The following CCDC88C variants were observed in gnomAD, a reference collection of about 807,000 sequenced individuals.
CCDC88C encodes the protein protein Daple.
In CCDC88C, 131 loss-of-function variants were observed where a neutral mutation model predicts 198.8. The observed-to-expected ratio is 0.66, with a 90% CI of 0.57 to 0.76. CCDC88C has a LOEUF of 0.76. CCDC88C is among the 30% of genes least tolerant of loss of function. The pLI is 0.00. For synonymous variants in CCDC88C, 1,166 were observed against 1,114.7 expected (o/e 1.05, Z -0.92); for missense variants, 2,553 against 2,631.6 (o/e 0.97, Z 0.65).
At position 91,313,167 on chromosome 14, in the gene CCDC88C, G is replaced by T; in HGVS notation, c.2649C>A (p.Ala883=). The T allele has an allele frequency of 6.2e-7, 1 of 1,611,660 alleles. No homozygotes were observed. Residue 883 remains alanine, a synonymous_variant, in exon 15 of 30, where the codon GCC becomes GCA. Transcript: ENST00000389857. The surrounding 1 kb of genome is among the most constrained non-coding windows in gnomAD (Gnocchi z 5.2). ...CCTTCTCCAGCTCCTTCAGCTTGCC[G>T]GCTGCGTCCCTGCAGCGGGCCAGCT... The part of the protein sequence containing the change: ...DKELARCRDA[A]GKLKELEKDN...
chr14:91,343,760 T>G, intron 4 of CCDC88C, 103 bp from the exon 5 acceptor site: 1 of 1,354,320 alleles, frequency 7.4e-7, no homozygotes, highest in Non-Finnish European at 1.0e-6. Flanking sequence ...ATCATCTCTC[T>G]ACTCTGTGAC....
At chr14:91,410,338 T>G (rs140442335) in intron 2 of CCDC88C, among the ~76,000 whole-genome samples, 1 of 152,228 alleles carries the variant, frequency 6.6e-6, no homozygotes, top group Non-Finnish European at 1.5e-5. Flanking sequence ...CCAGACCCCG[T>G]GATGAAGGTG....
At chr14:91,348,520 C>T (rs1248776655) in intron 4 of CCDC88C, among the ~76,000 whole-genome samples, 1 of 151,932 alleles carries the variant, frequency 6.6e-6, no homozygotes, top group Non-Finnish European at 1.5e-5. Context: ...AAACAAACAA[C>T]ACTCCGAGGC....
rs1202068039 is a variant in CCDC88C, at chr14:91,381,666, C to T, written c.271-21955G>A. 6.6e-6 allele frequency among the ~76,000 whole-genome samples: 1 copy of T among 152,154 alleles called. No homozygotes were observed. The highest frequency in any genetic ancestry group is 1.5e-5 in the Non-Finnish European group (1 of 68,040). On this transcript the variant is annotated intron_variant, in intron 3 of 29. Transcript: ENST00000389857. This position sits in a 1 kb window ranked among gnomAD's most constrained non-coding sequence, Gnocchi z 4.2. ...TGGCCAACTTGGTGAAACCCCGTCTCTACTAAAAATACAAACAATTATCTG... is the reference window on the plus strand; with the variant it reads ...TGGCCAACTTGGTGAAACCCCGTCTTTACTAAAAATACAAACAATTATCTG...
chr14:91,288,247 G>A lies in CCDC88C; in HGVS notation c.4441+858C>T, dbSNP rs1450300545. On this transcript the variant is annotated intron_variant, in intron 25 of 29. Coordinates refer to ENST00000389857, the MANE Select transcript of CCDC88C (RefSeq NM_001080414.4). The surrounding 1 kb of genome is among the most constrained non-coding windows in gnomAD (Gnocchi z 4.2). ...GTTGATGAAATACAGCATACATGAT[G>A]AGAAATCCTGTTCTTGTTTCAGAAC... 6.6e-6 allele frequency among the ~76,000 whole-genome samples: 1 copy of A among 152,212 alleles called. No homozygotes were observed. Among genetic ancestry groups the A allele is most frequent in the Admixed American group, 6.5e-5 (1 of 15,278 alleles).
chr14:91,398,006 G>A (rs1295236404), intron 3 of CCDC88C, among the ~76,000 whole-genome samples: 3 of 152,178 alleles, frequency 2.0e-5, no homozygotes, highest in Non-Finnish European at 4.4e-5. Flanking sequence ...CTAATCTATC[G>A]AATGGAGACA....
At chr14:91,404,965 A>C (rs1291396736) in intron 3 of CCDC88C, among the ~76,000 whole-genome samples, 1 of 109,506 alleles carries the variant, frequency 9.1e-6, no homozygotes, top group Non-Finnish European at 2.1e-5. Flanking sequence ...ACTCCATCTC[A>C]AAAAAAAAAA....
At chr14:91,345,397 T>C (rs1229726687) in intron 4 of CCDC88C, among the ~76,000 whole-genome samples, 1 of 150,970 alleles carries the variant, frequency 6.6e-6, no homozygotes, top group Non-Finnish European at 1.5e-5. Flanking sequence ...TTCACCATGT[T>C]GGCCTGGCTG....
chr14:91,406,799 C>T (rs761821541), intron 3 of CCDC88C, among the ~76,000 whole-genome samples: 3 of 152,210 alleles, frequency 2.0e-5, no homozygotes, highest in South Asian at 2.1e-4. Flanking sequence ...ATGGCTGTCG[C>T]GAGGGAGACG....
At chr14:91,334,522 A>ATAGG (rs1265034862) in intron 10 of CCDC88C, among the ~76,000 whole-genome samples, 28 of 152,214 alleles carry the variant, frequency 1.8e-4, no homozygotes, top group African/African-American at 6.8e-4. Context: ...TGTTGAGATT[A>ATAGG]TAGGCATGGG....
At chr14:91,398,649 C>T (rs777341382) in intron 3 of CCDC88C, among the ~76,000 whole-genome samples, 1 of 151,882 alleles carries the variant, frequency 6.6e-6, no homozygotes, top group Non-Finnish European at 1.5e-5. Context: ...AGAGTGAGAC[C>T]CTGTCTCAAA....
chr14:91,318,703 C>T (rs1295887110), intron 13 of CCDC88C, among the ~76,000 whole-genome samples: 1 of 151,918 alleles, frequency 6.6e-6, no homozygotes, highest in Non-Finnish European at 1.5e-5. Context: ...GTGGGCAGAT[C>T]ACCTGAAGTC....
chr14:91,365,315 C>T (rs978171509), intron 3 of CCDC88C, among the ~76,000 whole-genome samples: 12 of 152,152 alleles, frequency 7.9e-5, no homozygotes, highest in African/African-American at 2.4e-4. Context: ...GGGACCAGGA[C>T]GGGAAGGGAC....
intron 24 of CCDC88C, among the ~76,000 whole-genome samples, chr14:91,290,441 C>T (rs1890611139): frequency 6.6e-6 from 1 of 152,218 alleles, no homozygotes; most frequent in Admixed American, 6.5e-5. Flanking sequence ...TCCTGGGGCT[C>T]AGGCCGTGGA....
At chr14:91,314,290 G>A in intron 14 of CCDC88C, 140 bp from the exon 15 acceptor site, 1 of 666,698 alleles carries the variant, frequency 1.5e-6, no homozygotes, top group African/African-American at 1.8e-5. Context: ...GCGTTCCCCA[G>A]AGGCTTGACA....
At position 91,272,341 on chromosome 14, in the gene CCDC88C, T is replaced by C; in HGVS notation, c.*284A>G. On this transcript the variant is annotated 3_prime_UTR_variant, in exon 30 of 30. Coordinates refer to ENST00000389857, the MANE Select transcript of CCDC88C (RefSeq NM_001080414.4). The stretch of plus-strand genomic sequence containing the variant: ...GTCTGCTTTGGGGGAAGTCAGTTTG[T>C]CATTGCATCCTAATTGGTCCCCATG... 1 of 448,588 alleles carries C rather than the reference T, an allele frequency of 2.2e-6. No homozygotes were observed. The highest frequency in any genetic ancestry group is 4.0e-6 in the Non-Finnish European group (1 of 249,842). The allele number at this position is 448,588 out of a possible 1,614,324, so 27.8% of individuals were successfully genotyped here. A position where few individuals can be genotyped will look rare whatever the true frequency, so the allele number is the denominator to read the frequency against.
chr14:91,279,802 CAG>C (rs1310351704), intron 27 of CCDC88C: 1 of 152,384 alleles, frequency 6.6e-6, no homozygotes, highest in African/African-American at 2.4e-5. Flanking sequence ...GGTGTCACGT[CAG>C]GGGACCCACA....
chr14:91,411,414 C>G (rs1886780263), intron 2 of CCDC88C, among the ~76,000 whole-genome samples: 1 of 152,180 alleles, frequency 6.6e-6, no homozygotes, highest in Non-Finnish European at 1.5e-5. Context: ...CAAACGTGGA[C>G]TGTACTTGCT....
rs577768117 is a variant in CCDC88C, at chr14:91,352,163, G to T, written c.340+7479C>A. 6.6e-6 allele frequency among the ~76,000 whole-genome samples: 1 copy of T among 152,364 alleles called. No homozygotes were observed. The highest frequency in any genetic ancestry group is 1.9e-4 in the East Asian group (1 of 5,186). ...ATCTCTTCCCTCCTCCGCAGACGGCGGTGGCCACAGAGAGTAGGGCTGCTG... is the reference window on the plus strand; with the variant it reads ...ATCTCTTCCCTCCTCCGCAGACGGCTGTGGCCACAGAGAGTAGGGCTGCTG... On this transcript the variant is annotated intron_variant, in intron 4 of 29. Transcript: ENST00000389857. This position sits in a 1 kb window ranked among gnomAD's most constrained non-coding sequence, Gnocchi z 4.2.
Sources: gnomAD v4.1 joint callset for allele counts (sites outside exome capture counted in the v4.1 genomes callset) on GRCh38, gnomAD v4.1.1 for gene constraint, Gnocchi (gnomAD v3.1) non-coding constraint, MANE v1.5 for transcripts, NCBI Gene and HGNC (gene_info 2026-07-23, HGNC 2026-07-21) for gene names.